ERC1: variants seen among roughly 807,000 people sequenced by gnomAD.
ERC1 encodes RAB6 interacting protein 2.
A neutral mutation model predicts 132.0 loss-of-function variants in ERC1; 56 were observed. That is an observed-to-expected ratio of 0.42 (90% CI 0.34 to 0.53). The LOEUF (loss-of-function observed/expected upper bound fraction) is 0.53, where lower values mean the gene tolerates loss of function less well. Ranked by LOEUF, ERC1 falls within the 20% of genes least tolerant of loss-of-function variation. ERC1 has a pLI of 0.03. For synonymous variants in ERC1, 478 were observed against 476.1 expected (o/e 1.00, Z -0.05); for missense variants, 1,202 against 1,349.9 (o/e 0.89, Z 1.72).
intron 16 of ERC1, among the ~76,000 whole-genome samples, chr12:1,391,966 TTGTC>T (rs1289312596): frequency 1.3e-5 from 2 of 152,186 alleles, no homozygotes; most frequent in African/African-American, 4.8e-5. Context: ...TTTTTAGTGT[TTGTC>T]TGTGTGTATA....
intron 7 of ERC1, among the ~76,000 whole-genome samples, chr12:1,125,496 A>G (rs756994723): frequency 2.0e-5 from 3 of 152,112 alleles, no homozygotes; most frequent in Admixed American, 1.3e-4. Context: ...GTTAATGTAT[A>G]TATTCTTCTG....
chr12:1,210,565 C>T lies in ERC1; in HGVS notation c.2351+20513C>T, dbSNP rs574748563. 1.6e-3 allele frequency among the ~76,000 whole-genome samples: 236 copies of T among 152,246 alleles called. 1 individual carries two copies. The highest frequency in any genetic ancestry group is 4.6e-3 in the Admixed American group (70 of 15,286). On this transcript the variant is annotated intron_variant, in intron 12 of 18. Coordinates refer to ENST00000360905, the MANE Select transcript of ERC1 (RefSeq NM_178040.4). The stretch of plus-strand genomic sequence containing the variant: ...TGTAATGGGATTCAGAAACTTGACT[C>T]CTGTCATAGGCAGGAGGGAAATGTG...
intron 15 of ERC1, among the ~76,000 whole-genome samples, chr12:1,362,429 G>GCTCTGTCTCTCTCT (rs959728879): frequency 6.6e-6 from 1 of 151,252 alleles, no homozygotes; most frequent in Non-Finnish European, 1.5e-5. Context: ...GATCTTCAGA[G>GCTCTGTCTCTCTCT]CTCTGTCTCT....
chr12:1,387,678 C>T (rs2154381175), intron 16 of ERC1, among the ~76,000 whole-genome samples: 1 of 152,244 alleles, frequency 6.6e-6, no homozygotes, highest in Admixed American at 6.5e-5. Flanking sequence ...GTCACTGAAG[C>T]CAAAAGAGGC....
chr12:1,262,889 G>C (rs2077231861), intron 13 of ERC1, 145 bp from the exon 14 acceptor site: 1 of 709,434 alleles, frequency 1.4e-6, no homozygotes, highest in African/African-American at 1.8e-5. Context: ...TTTCTTTATT[G>C]TGTCCTCTGT....
intron 13 of ERC1, chr12:1,257,256 C>G (rs1254451296): frequency 6.6e-6 from 1 of 152,242 alleles, no homozygotes; most frequent in East Asian, 1.9e-4. Context: ...AAGCAAAGGA[C>G]TGAATCCTGG....
At chr12:1,037,508 C>A (rs1969312996) in intron 2 of ERC1, among the ~76,000 whole-genome samples, 1 of 151,954 alleles carries the variant, frequency 6.6e-6, no homozygotes, top group African/African-American at 2.4e-5. Flanking sequence ...ACTGTTATGC[C>A]CAGAAGAGTA....
chr12:1,294,498 T>C (rs1022554506), intron 15 of ERC1, among the ~76,000 whole-genome samples: 2 of 152,206 alleles, frequency 1.3e-5, no homozygotes, highest in African/African-American at 4.8e-5. Context: ...TCTATCAATA[T>C]ATGGTTCACG....
chr12:1,452,855 A>C (rs941245887), intron 18 of ERC1, among the ~76,000 whole-genome samples: 2 of 152,226 alleles, frequency 1.3e-5, no homozygotes, highest in Non-Finnish European at 2.9e-5. Flanking sequence ...TGAATCAAAT[A>C]ACTCACTAAT....
At chr12:1,024,186 G>C (rs1341576377) in intron 1 of ERC1, among the ~76,000 whole-genome samples, 1 of 152,176 alleles carries the variant, frequency 6.6e-6, no homozygotes. Flanking sequence ...TTCGAGACCA[G>C]ACTGGGCAAC....
intron 17 of ERC1, among the ~76,000 whole-genome samples, chr12:1,440,199 CTTT>C (rs756177628): frequency 2.5e-4 from 32 of 128,802 alleles, no homozygotes; most frequent in African/African-American, 9.8e-4. Flanking sequence ...CTTTCTTTCT[CTTT>C]TTTTTTTTTT....
intron 8 of ERC1, among the ~76,000 whole-genome samples, chr12:1,150,335 C>G (rs796953566): frequency 1.5e-4 from 23 of 152,264 alleles, no homozygotes; most frequent in African/African-American, 5.3e-4. Context: ...AAAAATAGAA[C>G]AGTAGAACTA....
chr12:1,061,376 A>G (rs1937844618), intron 2 of ERC1, among the ~76,000 whole-genome samples: 1 of 151,536 alleles, frequency 6.6e-6, no homozygotes, highest in Admixed American at 6.6e-5. Flanking sequence ...TCCGCAGATC[A>G]CTTGAGCCCA....
intron 15 of ERC1, among the ~76,000 whole-genome samples, chr12:1,336,048 C>A (rs1263888131): frequency 1.3e-5 from 2 of 152,106 alleles, no homozygotes; most frequent in African/African-American, 2.4e-5. Flanking sequence ...AGTTTACATG[C>A]ATAAAGTTGT....
At chr12:1,007,488 C>T (rs1735576489) in intron 1 of ERC1, among the ~76,000 whole-genome samples, 1 of 142,204 alleles carries the variant, frequency 7.0e-6, no homozygotes, top group Admixed American at 6.9e-5. Context: ...CTCTCTCTCT[C>T]TCTCTTTCTC....
chr12:1,358,364 A>G (rs74057172), intron 15 of ERC1, among the ~76,000 whole-genome samples: 10,128 of 152,208 alleles, frequency 0.067, 619 homozygotes, highest in African/African-American at 0.15. Flanking sequence ...TTTAAGAGTC[A>G]AAAGTTACTT....
rs1473452741 is a variant in ERC1, at chr12:1,491,278, C to G, written c.*1048C>G. On this transcript the variant is annotated 3_prime_UTR_variant, in exon 19 of 19. Coordinates refer to ENST00000360905, the MANE Select transcript of ERC1 (RefSeq NM_178040.4). ...TGCTGAAGTTGTGATCCCTCACTCACCCTGCTAGCTTTGCCCTTGACTCGT... is the reference window on the plus strand; with the variant it reads ...TGCTGAAGTTGTGATCCCTCACTCAGCCTGCTAGCTTTGCCCTTGACTCGT... 6 of 231,188 alleles carry G rather than the reference C, an allele frequency of 2.6e-5. No individual in the cohort carries two copies. Among genetic ancestry groups the G allele is most frequent in the African/African-American group, 1.3e-4 (6 of 45,230 alleles). 14.3% of individuals were successfully genotyped at this position (231,188 alleles called of 1,614,324 possible). A position where few individuals can be genotyped will look rare whatever the true frequency, so the allele number is the denominator to read the frequency against.
At chr12:1,428,740 A>G (rs1442247297) in intron 17 of ERC1, among the ~76,000 whole-genome samples, 2 of 152,156 alleles carry the variant, frequency 1.3e-5, no homozygotes, top group African/African-American at 4.8e-5. Context: ...CTCCGCGCTG[A>G]TTTGTTCTTC....
intron 8 of ERC1, among the ~76,000 whole-genome samples, chr12:1,162,655 G>C (rs1444798357): frequency 4.6e-5 from 7 of 151,894 alleles, no homozygotes; most frequent in Admixed American, 4.6e-4. Flanking sequence ...GGACAGGAGA[G>C]TAAGGTTGTT....
Sources: allele counts gnomAD v4.1 joint callset (sites outside exome capture counted in the v4.1 genomes callset), GRCh38; gene constraint gnomAD v4.1.1; transcripts MANE v1.5; gene names NCBI Gene and HGNC (gene_info 2026-07-23, HGNC 2026-07-21).